The following CNBD1 variants were observed in gnomAD, a reference collection of about 807,000 sequenced individuals.
CNBD1 encodes the protein cyclic nucleotide binding domain containing 1, also known as cyclic nucleotide-binding domain-containing protein 1.
In CNBD1, 71 loss-of-function variants were observed where a neutral mutation model predicts 54.4. The ratio of observed to expected loss-of-function variants is 1.30; its 90% CI spans 1.08 to 1.59. The LOEUF (loss-of-function observed/expected upper bound fraction) is 1.59. Among genes scored for constraint, CNBD1 ranks in the 40% most tolerant of loss-of-function variants. The pLI is 0.00. For missense variants in CNBD1, 659 were observed against 518.0 expected, an observed-to-expected ratio of 1.27 and a Z score of -2.64; for synonymous variants, 182 against 170.7, an observed-to-expected ratio of 1.07 and a Z score of -0.51.
At chr8:87,366,415 C>T (rs146781505) in intron 10 of CNBD1, among the ~76,000 whole-genome samples, 5 of 152,188 alleles carry the variant, frequency 3.3e-5, no homozygotes, top group African/African-American at 1.2e-4. Context: ...ATCTGGCCCT[C>T]TCCATCTCAG....
chr8:87,152,768 T>C (rs1378035868), intron 4 of CNBD1, among the ~76,000 whole-genome samples: 2 of 152,182 alleles, frequency 1.3e-5, no homozygotes, highest in Non-Finnish European at 2.9e-5. Context: ...TAAAAATTTA[T>C]CAGTTTTAAA....
At chr8:86,931,740 C>G (rs1809461307) in intron 3 of CNBD1, among the ~76,000 whole-genome samples, 1 of 152,116 alleles carries the variant, frequency 6.6e-6, no homozygotes, top group African/African-American at 2.4e-5. Context: ...GGAGGTTTCT[C>G]CTGGTACCTG....
chr8:87,175,307 A>G (rs892447385), intron 4 of CNBD1, among the ~76,000 whole-genome samples: 3 of 152,172 alleles, frequency 2.0e-5, no homozygotes, highest in African/African-American at 4.8e-5. Context: ...CTTAAGCAGA[A>G]GGAGTCTCTC....
chr8:87,101,046 C>A (rs1308118856), intron 4 of CNBD1, among the ~76,000 whole-genome samples: 1 of 152,192 alleles, frequency 6.6e-6, no homozygotes, highest in African/African-American at 2.4e-5. Flanking sequence ...TAGTTTGAAT[C>A]TAACTGCCTG....
At chr8:87,296,810 T>G (rs1808884636) in intron 8 of CNBD1, among the ~76,000 whole-genome samples, 1 of 152,090 alleles carries the variant, frequency 6.6e-6, no homozygotes, top group South Asian at 2.1e-4. Flanking sequence ...GGAAGTATCT[T>G]AGGCTGACAC....
rs538743800 is a variant in CNBD1, at chr8:87,417,884, A to C, written c.214-10662A>C. Among the ~76,000 whole-genome samples, 3 of 145,748 alleles carry C rather than the reference A, an allele frequency of 2.1e-5. No homozygotes were observed. In the East Asian group the frequency reaches 5.8e-4, roughly 28 times the overall value. On this transcript the variant is annotated intron_variant, in intron 2 of 7. Coordinates refer to the CNBD1 transcript ENST00000521593. ...TTAACTTGGATATGGAAAGCTACAG[A>C]ATATTATTGAAATAAATTAGAGAAA...
intron 2 of CNBD1, among the ~76,000 whole-genome samples, chr8:87,424,329 G>C (rs972038422): frequency 6.6e-6 from 1 of 151,986 alleles, no homozygotes; most frequent in Non-Finnish European, 1.5e-5. Flanking sequence ...TTTTGAATGT[G>C]TTTGCTCGTG....
rs115973176 is a variant in CNBD1, at chr8:87,345,511, A to G, written c.1043-6174A>G. ...TCTAAATGCAATTGACTTTGGGTCA[A>G]TTGTCAGTCTTTTCCTTAAAACCTT... On this transcript the variant is annotated intron_variant, in intron 8 of 10. Coordinates refer to ENST00000518476, the MANE Select transcript of CNBD1 (RefSeq NM_173538.3). 6.3e-3 allele frequency among the ~76,000 whole-genome samples: 964 copies of G among 152,224 alleles called. 9 individuals carry two copies. The highest frequency in any genetic ancestry group is 0.022 in the African/African-American group (904 of 41,552).
In CNBD1 at chr8:87,382,716, G is replaced by A. The variant is rs1188260263; in HGVS notation, c.*89G>A. Reference sequence around the variant, plus strand: ...ATTCTGGAATACTATCAAACTACCAGCAATGAATTTGGTCTATTGTGACTA... The same window carrying A: ...ATTCTGGAATACTATCAAACTACCAACAATGAATTTGGTCTATTGTGACTA... On this transcript the variant is annotated 3_prime_UTR_variant, in exon 11 of 11. Coordinates refer to ENST00000518476, the MANE Select transcript of CNBD1 (RefSeq NM_173538.3). 1.9e-6 allele frequency: 2 copies of A among 1,044,354 alleles called. No individual in the cohort carries two copies. The highest frequency in any genetic ancestry group is 2.8e-6 in the Non-Finnish European group (2 of 707,242). 64.7% of individuals were successfully genotyped at this position (1,044,354 alleles called of 1,614,324 possible).
At chr8:87,134,763 A>G (rs2130730578) in intron 4 of CNBD1, among the ~76,000 whole-genome samples, 1 of 150,650 alleles carries the variant, frequency 6.6e-6, no homozygotes, top group African/African-American at 2.4e-5. Flanking sequence ...TCACCATGCC[A>G]GGCTAATATT....
chr8:87,387,326 C>G (rs557622679), downstream of CNBD1, among the ~76,000 whole-genome samples: 2 of 151,644 alleles, frequency 1.3e-5, no homozygotes, highest in African/African-American at 4.9e-5. Flanking sequence ...GGATAAAGAG[C>G]CAAGACCCAT....
At chr8:87,418,813 T>G (rs1051771491) in intron 2 of CNBD1, among the ~76,000 whole-genome samples, 7 of 151,920 alleles carry the variant, frequency 4.6e-5, no homozygotes, top group Non-Finnish European at 1.0e-4. Flanking sequence ...ATAAAAGTTG[T>G]GCATATGTGA....
chr8:86,916,327 T>C (rs1159232558), intron 3 of CNBD1, among the ~76,000 whole-genome samples: 3 of 152,192 alleles, frequency 2.0e-5, no homozygotes, highest in African/African-American at 7.2e-5. Flanking sequence ...TCAAGTGCAC[T>C]GTTTGACCTT....
intron 3 of CNBD1, among the ~76,000 whole-genome samples, chr8:86,912,233 A>G (rs1367582665): frequency 2.0e-5 from 3 of 152,192 alleles, no homozygotes; most frequent in African/African-American, 4.8e-5. Context: ...AATGTATAGT[A>G]TTTGTACTAG....
At chr8:87,386,199 A>G (rs1239874441), downstream of CNBD1, among the ~76,000 whole-genome samples, 1 of 152,232 alleles carries the variant, frequency 6.6e-6, no homozygotes, top group Non-Finnish European at 1.5e-5. Context: ...TCTAAAAATC[A>G]GAGCACCTCT....
At chr8:87,413,548 TTTTG>T (rs1301568517) in intron 2 of CNBD1, among the ~76,000 whole-genome samples, 1 of 152,056 alleles carries the variant, frequency 6.6e-6, no homozygotes, top group Non-Finnish European at 1.5e-5. Flanking sequence ...AATTCTTCTT[TTTTG>T]TTTGTTTGGT....
At chr8:87,333,372 C>A (rs1809875227) in intron 8 of CNBD1, among the ~76,000 whole-genome samples, 1 of 152,140 alleles carries the variant, frequency 6.6e-6, no homozygotes, top group Non-Finnish European at 1.5e-5. Context: ...TTATTTCTTT[C>A]TCTTGCCTGA....
At chr8:87,232,724 A>C (rs1807469985) in intron 5 of CNBD1, among the ~76,000 whole-genome samples, 1 of 152,170 alleles carries the variant, frequency 6.6e-6, no homozygotes, top group African/African-American at 2.4e-5. Context: ...TCTTTACATT[A>C]AAATGCAAAT....
At chr8:86,979,486 C>A (rs958047879) in intron 4 of CNBD1, among the ~76,000 whole-genome samples, 1 of 148,728 alleles carries the variant, frequency 6.7e-6, no homozygotes, top group South Asian at 2.2e-4. Flanking sequence ...AGCTACTTCA[C>A]AGGCTGAGGT....
Sources: allele counts gnomAD v4.1 joint callset (sites outside exome capture counted in the v4.1 genomes callset), GRCh38; gene constraint gnomAD v4.1.1; transcripts MANE v1.5; gene names NCBI Gene and HGNC (gene_info 2026-07-23, HGNC 2026-07-21).